Variants in EIPR1 observed in about 807,000 individuals in gnomAD.
EIPR1 encodes the protein EARP and GARP complex-interacting protein 1.
Under a neutral mutation model 48.1 loss-of-function variants are expected in EIPR1, and 25 were observed. The observed-to-expected ratio is 0.52, with a 90% CI of 0.38 to 0.73. EIPR1 has a LOEUF of 0.73. EIPR1 is among the 30% of genes least tolerant of loss of function. The pLI, the probability that EIPR1 is intolerant of heterozygous loss-of-function variation, is 0.00. For missense variants in EIPR1, 415 were observed against 506.2 expected (o/e 0.82, Z 1.73); for synonymous variants, 204 against 201.9 (o/e 1.01, Z -0.09).
At chr2:3,213,070 G>T (rs1665512662) in intron 5 of EIPR1, among the ~76,000 whole-genome samples, 1 of 152,218 alleles carries the variant, frequency 6.6e-6, no homozygotes, top group South Asian at 2.1e-4. Flanking sequence ...ATATTCTAAG[G>T]CACCATGAGG....
rs1474885001 is a variant in EIPR1, at chr2:3,265,059, A to AT, written c.260-7605dup. ...TCTAGTGTATGAAAAATTTACATAG[A>AT]TTTTCCAAAAGATTATAAAATTGTC... is the stretch of plus-strand genomic sequence containing the variant. On this transcript the variant is annotated intron_variant, in intron 3 of 8. Transcript: ENST00000382125. Among the ~76,000 whole-genome samples, 4 of 152,254 alleles carry AT rather than the reference A, an allele frequency of 2.6e-5. No individual in the cohort carries two copies. The South Asian group carries it at 8.3e-4, about 32-fold the overall frequency.
At chr2:3,362,908 G>A (rs1670884693) in intron 1 of EIPR1, among the ~76,000 whole-genome samples, 2 of 152,124 alleles carry the variant, frequency 1.3e-5, no homozygotes, top group African/African-American at 4.8e-5. Context: ...TGCCCAGGCT[G>A]GGGGCAGGTA....
intron 5 of EIPR1, among the ~76,000 whole-genome samples, chr2:3,199,384 G>C (rs898425471): frequency 6.6e-6 from 1 of 152,210 alleles, no homozygotes; most frequent in African/African-American, 2.4e-5. Flanking sequence ...GGGATTAAGA[G>C]ATTAAAGTAA....
intron 3 of EIPR1, among the ~76,000 whole-genome samples, chr2:3,322,457 C>T (rs1669564807): frequency 6.6e-6 from 1 of 152,252 alleles, no homozygotes; most frequent in South Asian, 2.1e-4. Flanking sequence ...GCCGTAACCA[C>T]GGTTAAGTTT....
intron 3 of EIPR1, among the ~76,000 whole-genome samples, chr2:3,269,079 C>A (rs1380572023): frequency 1.3e-5 from 2 of 152,202 alleles, no homozygotes; most frequent in Non-Finnish European, 2.9e-5. Context: ...GACACAGTTC[C>A]TGGCTTCCCC....
intron 3 of EIPR1, among the ~76,000 whole-genome samples, chr2:3,288,467 C>A (rs1003622737): frequency 1.3e-5 from 2 of 152,178 alleles, no homozygotes; most frequent in Non-Finnish European, 2.9e-5. Flanking sequence ...CCGGAAAGTT[C>A]TTTTGCTTCT....
chr2:3,289,496 C>T (rs1225882241), intron 3 of EIPR1, among the ~76,000 whole-genome samples: 2 of 152,280 alleles, frequency 1.3e-5, no homozygotes, highest in East Asian at 1.9e-4. Context: ...GCCCTGCTCC[C>T]CACTCTGCAC....
At chr2:3,220,475 G>A (rs991785612) in intron 4 of EIPR1, among the ~76,000 whole-genome samples, 3 of 151,946 alleles carry the variant, frequency 2.0e-5, no homozygotes, top group African/African-American at 4.8e-5. Context: ...AGGTGCACAT[G>A]TGCATGATGG....
At chr2:3,323,763 T>G (rs1009924894) in intron 3 of EIPR1, among the ~76,000 whole-genome samples, 1 of 152,234 alleles carries the variant, frequency 6.6e-6, no homozygotes, top group African/African-American at 2.4e-5. Flanking sequence ...CTATGAACCC[T>G]GTTTTCTCAT....
At chr2:3,310,979 G>C (rs1023456466) in intron 3 of EIPR1, among the ~76,000 whole-genome samples, 1 of 151,890 alleles carries the variant, frequency 6.6e-6, no homozygotes, top group African/African-American at 2.4e-5. Flanking sequence ...GAAATTTTAC[G>C]TACAAGACCC....
At chr2:3,349,400 G>C (rs546850199) in intron 2 of EIPR1, among the ~76,000 whole-genome samples, 4 of 152,228 alleles carry the variant, frequency 2.6e-5, no homozygotes, top group African/African-American at 9.6e-5. Flanking sequence ...GAGTGTGAGC[G>C]CAGGGACTGC....
intron 3 of EIPR1, among the ~76,000 whole-genome samples, chr2:3,321,450 A>T (rs1669527029): frequency 6.6e-6 from 1 of 152,078 alleles, no homozygotes; most frequent in Admixed American, 6.6e-5. Context: ...ATGGATTCCA[A>T]CTTTTCTCCC....
intron 5 of EIPR1, 79 bp from the exon 6 acceptor site, chr2:3,197,096 A>G (rs1664839162): frequency 6.8e-7 from 1 of 1,470,982 alleles, no homozygotes; most frequent in Non-Finnish European, 9.4e-7. Flanking sequence ...GCGAGAGGAT[A>G]TCGTATACTC....
chr2:3,329,299 C>G (rs1273415418), intron 3 of EIPR1, among the ~76,000 whole-genome samples: 1 of 55,230 alleles, frequency 1.8e-5, no homozygotes, highest in Admixed American at 1.5e-4. Context: ...GATCTCAGGG[C>G]ACCAGCTGGG....
At chr2:3,210,335 C>T (rs924867921) in intron 5 of EIPR1, among the ~76,000 whole-genome samples, 6 of 152,138 alleles carry the variant, frequency 3.9e-5, no homozygotes, top group Non-Finnish European at 8.8e-5. Context: ...TCAGGGTGAA[C>T]GCATCTCCCA....
At chr2:3,261,939 T>A (rs2694074) in intron 3 of EIPR1, 60,943 of 152,018 alleles carry the variant, frequency 0.4, 13,500 homozygotes, top group Admixed American at 0.5. Context: ...GGATATGAAG[T>A]GGGTGTGGCT....
At chr2:3,204,772 C>G (rs1249096079) in intron 5 of EIPR1, among the ~76,000 whole-genome samples, 1 of 152,206 alleles carries the variant, frequency 6.6e-6, no homozygotes, top group East Asian at 1.9e-4. Flanking sequence ...AGCCACAGAG[C>G]TGACAAGGGT....
chr2:3,318,847 T>C (rs1247366635), intron 3 of EIPR1: 1 of 470,912 alleles, frequency 2.1e-6, no homozygotes, highest in East Asian at 6.9e-5. Flanking sequence ...ATAAACACCT[T>C]TGAGCTCACC....
At chr2:3,272,922 GA>G (rs1178997030) in intron 3 of EIPR1, among the ~76,000 whole-genome samples, 7 of 151,484 alleles carry the variant, frequency 4.6e-5, no homozygotes, top group African/African-American at 1.7e-4. Context: ...GACCCTGACT[GA>G]CAAACTCTCC....
Sources: gnomAD v4.1 joint callset for allele counts (sites outside exome capture counted in the v4.1 genomes callset) on GRCh38, gnomAD v4.1.1 for gene constraint, MANE v1.5 for transcripts, NCBI Gene and HGNC (gene_info 2026-07-23, HGNC 2026-07-21) for gene names.